LRRFIP2: variants seen among roughly 807,000 people sequenced by gnomAD.
LRRFIP2 encodes leucine-rich repeat flightless-interacting protein 2.
In LRRFIP2, 109 loss-of-function variants were observed where a neutral mutation model predicts 125.9. The ratio of observed to expected loss-of-function variants is 0.87; its 90% CI spans 0.74 to 1.01. LRRFIP2 has a LOEUF of 1.01. Among genes scored for constraint, LRRFIP2 ranks in the 50% least tolerant of loss-of-function variants. LRRFIP2 has a pLI of 0.00. For missense variants in LRRFIP2, 850 were observed against 862.3 expected, an observed-to-expected ratio of 0.99 and a Z score of 0.18; for synonymous variants, 291 against 293.1, an observed-to-expected ratio of 0.99 and a Z score of 0.07.
intron 21 of LRRFIP2, chr3:37,066,877 A>G (rs1170183625): frequency 6.5e-6 from 1 of 152,910 alleles, no homozygotes; most frequent in Non-Finnish European, 1.5e-5. Context: ...CACTTAATTC[A>G]AAATAGTTAA....
intron 18 of LRRFIP2, among the ~76,000 whole-genome samples, chr3:37,088,538 C>T (rs953329692): frequency 6.6e-6 from 1 of 150,570 alleles, no homozygotes; most frequent in Non-Finnish European, 1.5e-5. Context: ...AGGGGTCAAG[C>T]ATGGTGGCTA....
At chr3:37,136,956 T>TGGGGGG (rs67327864) in intron 2 of LRRFIP2, among the ~76,000 whole-genome samples, 1 of 111,266 alleles carries the variant, frequency 9.0e-6, no homozygotes, top group Admixed American at 9.4e-5. Flanking sequence ...CTTTCTTTTT[T>TGGGGGG]GGGGGGGGTG....
At position 37,094,741 on chromosome 3, in the gene LRRFIP2, T is replaced by C. The variant is rs757859730; in HGVS notation, c.1035+51A>G. 7.0e-6 allele frequency: 8 copies of C among 1,150,690 alleles called. No individual in the cohort carries two copies. The East Asian group carries it at 9.4e-5, about 14-fold the overall frequency. The allele number at this position is 1,150,690 out of a possible 1,614,324, so 71.3% of individuals were successfully genotyped here. ...TTAAAGGTTAAAAGTTCCAGTATAT[T>C]ACCAAGTCAAAAAACTGCTTTTAAA... On this transcript the variant is annotated intron_variant, in intron 17 of 27. Transcript: ENST00000336686.
intron 1 of LRRFIP2, among the ~76,000 whole-genome samples, chr3:37,165,912 GCTAAAACC>G (rs1420341531): frequency 2.0e-5 from 3 of 152,076 alleles, no homozygotes; most frequent in Non-Finnish European, 4.4e-5. Flanking sequence ...AAACAAATGA[GCTAAAACC>G]ATAAAACTCG....
intron 1 of LRRFIP2, among the ~76,000 whole-genome samples, chr3:37,155,763 T>C (rs1305258785): frequency 6.6e-6 from 1 of 152,246 alleles, no homozygotes; most frequent in Non-Finnish European, 1.5e-5. Flanking sequence ...GGTTGAAGTG[T>C]ACTGAGATCT....
chr3:37,126,815 T>C (rs576730795), intron 4 of LRRFIP2, among the ~76,000 whole-genome samples: 18 of 150,292 alleles, frequency 1.2e-4, no homozygotes, highest in African/African-American at 3.7e-4. Flanking sequence ...GCTGAGATTG[T>C]GCCACTGAAC....
chr3:37,100,396 A>C (rs1198685659), intron 15 of LRRFIP2, among the ~76,000 whole-genome samples: 2 of 151,724 alleles, frequency 1.3e-5, no homozygotes, highest in African/African-American at 4.8e-5. Context: ...ACATACATAC[A>C]TGTGTATGTA....
At chr3:37,111,860 G>A (rs1291048565) in intron 8 of LRRFIP2, 1 of 152,316 alleles carries the variant, frequency 6.6e-6, no homozygotes, top group Admixed American at 6.6e-5. Flanking sequence ...TACCTTCCAG[G>A]GCCTCTCGTT....
chr3:37,147,169 G>A (rs776326029), intron 2 of LRRFIP2, among the ~76,000 whole-genome samples: 63 of 152,194 alleles, frequency 4.1e-4, no homozygotes, highest in Middle Eastern at 3.4e-3. Context: ...ACCATCTCAC[G>A]CCAGTCAGAA....
At chr3:37,074,822 C>G (rs766582039) in intron 20 of LRRFIP2, among the ~76,000 whole-genome samples, 3 of 152,120 alleles carry the variant, frequency 2.0e-5, no homozygotes, top group Non-Finnish European at 4.4e-5. Context: ...ATTTCTGCTA[C>G]CAAAGTGGGG....
At chr3:37,146,401 C>A (rs1366966722) in intron 2 of LRRFIP2, among the ~76,000 whole-genome samples, 1 of 152,098 alleles carries the variant, frequency 6.6e-6, no homozygotes, top group Non-Finnish European at 1.5e-5. Context: ...TACCTATCAA[C>A]CTATCACCTA....
At chr3:37,056,014 G>A (rs774788607) in intron 25 of LRRFIP2, among the ~76,000 whole-genome samples, 3 of 152,100 alleles carry the variant, frequency 2.0e-5, no homozygotes, top group Non-Finnish European at 2.9e-5. Flanking sequence ...GCATTTTTAT[G>A]ACATTTGTCA....
At chr3:37,064,062 G>T (rs6791267) in intron 23 of LRRFIP2, 1 of 388,932 alleles carries the variant, frequency 2.6e-6, no homozygotes, top group Non-Finnish European at 4.7e-6. Flanking sequence ...ACAAACAGAA[G>T]TACAAAGGAG....
intron 2 of LRRFIP2, among the ~76,000 whole-genome samples, chr3:37,144,265 T>C (rs1339021968): frequency 6.6e-6 from 1 of 152,238 alleles, no homozygotes; most frequent in Non-Finnish European, 1.5e-5. Context: ...AGGAGAGGGA[T>C]AGGCCTGGGG....
At chr3:37,056,116 G>T (rs1251649292) in intron 25 of LRRFIP2, among the ~76,000 whole-genome samples, 1 of 152,138 alleles carries the variant, frequency 6.6e-6, no homozygotes, top group African/African-American at 2.4e-5. Flanking sequence ...TGCACACAGT[G>T]TATGCCTAAA....
At chr3:37,091,356 CA>C in intron 18 of LRRFIP2, 110 bp downstream of exon 18, 1 of 700,722 alleles carries the variant, frequency 1.4e-6, no homozygotes, top group Non-Finnish European at 2.3e-6. Context: ...GCTTGAAAGA[CA>C]AACACTGTTA....
intron 6 of LRRFIP2, 58 bp from the exon 7 acceptor site, chr3:37,115,153 GAGA>G (rs1442584694): frequency 4.0e-5 from 48 of 1,193,488 alleles, no homozygotes; most frequent in Non-Finnish European, 4.5e-5. Context: ...ATATAAAGAA[GAGA>G]AGAAGTAATA....
chr3:37,109,765 T>C, intron 9 of LRRFIP2, 62 bp from the exon 10 acceptor site: 7 of 1,429,826 alleles, frequency 4.9e-6, no homozygotes, highest in African/African-American at 1.4e-5. Flanking sequence ...GGTCTCACCA[T>C]CATGAATGCA....
intron 1 of LRRFIP2, among the ~76,000 whole-genome samples, chr3:37,155,398 C>CA (rs2096156121): frequency 6.6e-6 from 1 of 152,094 alleles, no homozygotes; most frequent in Non-Finnish European, 1.5e-5. Flanking sequence ...AGCATTAAAC[C>CA]ATGCTAAGAG....
Sources: allele counts gnomAD v4.1 joint callset (sites outside exome capture counted in the v4.1 genomes callset), GRCh38; gene constraint gnomAD v4.1.1; transcripts MANE v1.5; gene names NCBI Gene and HGNC (gene_info 2026-07-23, HGNC 2026-07-21).